KLRK1: variants seen among roughly 807,000 people sequenced by gnomAD.
KLRK1 encodes NKG2-D type II integral membrane protein.
Under a neutral mutation model 31.3 loss-of-function variants are expected in KLRK1, and 40 were observed. That is an observed-to-expected ratio of 1.28 (90% confidence interval 0.99 to 1.67). KLRK1 has a LOEUF of 1.67. Ranked by LOEUF, KLRK1 falls within the 40% of genes most tolerant of loss-of-function variation. The probability of loss-of-function intolerance (pLI) is 0.00; values close to 1 mark genes in which losing one functional copy is unlikely to be tolerated. For missense variants in KLRK1, 251 were observed against 260.0 expected, an observed-to-expected ratio of 0.97 and a Z score of 0.24; for synonymous variants, 77 against 77.3, an observed-to-expected ratio of 1.00 and a Z score of 0.02.
At chr12:10,374,615 G>T (rs1182861865) in intron 7 of KLRK1, among the ~76,000 whole-genome samples, 1 of 151,422 alleles carries the variant, frequency 6.6e-6, no homozygotes, top group Admixed American at 6.6e-5. Flanking sequence ...AGCTGGACTT[G>T]AACTCCTGAC....
In KLRK1 at chr12:10,373,093, T is replaced by A. The variant is rs777473716; in HGVS notation, c.*21A>T. 6.2e-7 allele frequency: 1 copy of A among 1,605,360 alleles called. No individual in the cohort carries two copies. The highest frequency in any genetic ancestry group is 1.1e-5 in the South Asian group (1 of 90,320). ...TAATCTCTTCTCTGTTCCTGGCTTTTATTGAGATGGTTGATCATCTTTACA... is the reference window on the plus strand; with the variant it reads ...TAATCTCTTCTCTGTTCCTGGCTTTAATTGAGATGGTTGATCATCTTTACA... On this transcript the variant is annotated 3_prime_UTR_variant, in exon 8 of 8. Coordinates refer to ENST00000240618, the MANE Select transcript of KLRK1 (RefSeq NM_007360.4).
At chr12:10,389,033 T>G in intron 1 of KLRK1, 158 bp from the exon 2 acceptor site, 1 of 496,178 alleles carries the variant, frequency 2.0e-6, no homozygotes, top group Non-Finnish European at 3.6e-6. Flanking sequence ...GCAAAATTAA[T>G]TTTATACATT....
chr12:10,389,002 T>C, intron 1 of KLRK1, 127 bp from the exon 2 acceptor site: 2 of 555,390 alleles, frequency 3.6e-6, no homozygotes, highest in East Asian at 5.7e-5. Flanking sequence ...AGAATAGAAA[T>C]GACAATTCAC....
intron 7 of KLRK1, 151 bp from the exon 8 acceptor site, chr12:10,373,382 T>C: frequency 7.8e-6 from 4 of 514,290 alleles, no homozygotes; most frequent in Non-Finnish European, 1.3e-5. Context: ...AAACAAAATA[T>C]AGCCAACTCA....
rs1862886132 is a variant in KLRK1 at position 10,372,817 on chromosome 12, C to T, written c.*297G>A. 1 of 324,182 alleles carries T rather than the reference C, an allele frequency of 3.1e-6. No homozygotes were observed. Among genetic ancestry groups the T allele is most frequent in the Non-Finnish European group, 5.7e-6 (1 of 176,876 alleles). The allele number at this position is 324,182 out of a possible 1,614,324, so 20.1% of individuals were successfully genotyped here. The stretch of plus-strand genomic sequence containing the variant: ...ACTGATCCCCTGGGTGTTGGTCCTA[C>T]CTTTAGAAATTAAAACAGCACCCCT... On this transcript the variant is annotated 3_prime_UTR_variant, in exon 8 of 8. Transcript: ENST00000240618.
rs1862999063 is a variant in KLRK1 at position 10,378,132 on chromosome 12, A to G, written c.533T>C (p.Leu178Pro). 7.4e-6 allele frequency: 12 copies of G among 1,613,486 alleles called. No individual in the cohort carries two copies. The highest frequency in any genetic ancestry group is 9.3e-6 in the Non-Finnish European group (11 of 1,179,798). ...GAGACTCATTGGGTCAGAGACTTACAGGTTGGGTGAGAGAATGGAGCCATC... is the reference window on the plus strand; with the variant it reads ...GAGACTCATTGGGTCAGAGACTTACGGGTTGGGTGAGAGAATGGAGCCATC... ...WEDGSILSPN[L>P]LTIIEMQKGD... The change falls in exon 7 of 8, where the codon CTA becomes CCA. Residue 178 changes from leucine (L) to proline (P), a missense_variant and splice_region_variant. Coordinates refer to ENST00000240618, the MANE Select transcript of KLRK1 (RefSeq NM_007360.4).
rs1254841146 is a variant in KLRK1 at position 10,378,138 on chromosome 12, G to T, written c.527C>A (p.Pro176His). 6.2e-7 allele frequency: 1 copy of T among 1,613,928 alleles called. No individual in the cohort carries two copies. The highest frequency in any genetic ancestry group is 2.2e-5 in the East Asian group (1 of 44,860). Residue 176 changes from proline to histidine, a missense_variant, in exon 7 of 8, where the codon CCC becomes CAC. Pro to His is a moderately conservative substitution (Grantham distance 77). Coordinates refer to ENST00000240618, the MANE Select transcript of KLRK1 (RefSeq NM_007360.4). ...CATTGGGTCAGAGACTTACAGGTTGGGTGAGAGAATGGAGCCATCTTCCCA... is the reference window on the plus strand; with the variant it reads ...CATTGGGTCAGAGACTTACAGGTTGTGTGAGAGAATGGAGCCATCTTCCCA... ...WQWEDGSILS[P>H]NLLTIIEMQK...
chr12:10,387,971 TATTA>T (rs1425379702), intron 2 of KLRK1, among the ~76,000 whole-genome samples: 6 of 152,354 alleles, frequency 3.9e-5, no homozygotes, highest in East Asian at 1.9e-4. Context: ...TCTCTTGAAA[TATTA>T]ATTATTTACT....
chr12:10,372,601 T>C lies in KLRK1; in HGVS notation c.*513A>G. On this transcript the variant is annotated 3_prime_UTR_variant, in exon 8 of 8. Coordinates refer to ENST00000240618, the MANE Select transcript of KLRK1 (RefSeq NM_007360.4). ...GAGAATAATGCCTTTAAGATAATCATGGCCCACTGGGGCAGCACCACCTCC... is the reference window on the plus strand; with the variant it reads ...GAGAATAATGCCTTTAAGATAATCACGGCCCACTGGGGCAGCACCACCTCC... The C allele has an allele frequency of 6.1e-6, 1 of 163,362 alleles. No homozygotes were observed. The highest frequency in any genetic ancestry group is 1.3e-5 in the Non-Finnish European group (1 of 76,162). 10.1% of individuals were successfully genotyped at this position (163,362 alleles called of 1,614,324 possible).
At chr12:10,384,003 AT>A (rs1334694542) in intron 3 of KLRK1, among the ~76,000 whole-genome samples, 1 of 152,074 alleles carries the variant, frequency 6.6e-6, no homozygotes, top group Non-Finnish European at 1.5e-5. Context: ...AGTCAATTCC[AT>A]TTGTAATACC....
intron 2 of KLRK1, 52 bp from the exon 3 acceptor site, chr12:10,387,062 G>A: frequency 2.8e-6 from 4 of 1,450,350 alleles, no homozygotes; most frequent in Non-Finnish European, 3.7e-6. Context: ...CTGCCATTTG[G>A]GGCATAAATT....
At chr12:10,374,978 G>A (rs1217600268) in intron 7 of KLRK1, among the ~76,000 whole-genome samples, 1 of 152,090 alleles carries the variant, frequency 6.6e-6, no homozygotes, top group East Asian at 1.9e-4. Context: ...TGTCCTTGTA[G>A]ATAGGAAAAT....
rs1348672527 is a variant in KLRK1, at chr12:10,373,060, C to T, written c.*54G>A. 26 of 1,498,364 alleles carry T rather than the reference C, an allele frequency of 1.7e-5. No homozygotes were observed. In the South Asian group the frequency reaches 2.4e-4, roughly 14 times the overall value. 92.8% of individuals were successfully genotyped at this position (1,498,364 alleles called of 1,614,324 possible). On this transcript the variant is annotated 3_prime_UTR_variant, in exon 8 of 8. Transcript: ENST00000240618. ...CTTTAGTCTCAGTTGGCAGTGTTAC[C>T]GCTGGTGTAATCTCTTCTCTGTTCC...
Position 10,378,538 on chromosome 12 carries a change from AAAAT to A in KLRK1, c.429+12_429+15del, listed in dbSNP as rs1565491997. The A allele has an allele frequency of 6.2e-7, 1 of 1,608,040 alleles. No homozygotes were observed. The highest frequency in any genetic ancestry group is 2.2e-5 in the East Asian group (1 of 44,838). On this transcript the variant is annotated intron_variant, in intron 6 of 7. Transcript: ENST00000240618. ...AGGATTAAATACAGGATGGGAAATTAAAATAAATACTCAACCTGGTCCTCTTTGC... is the reference window on the plus strand; with the variant it reads ...AGGATTAAATACAGGATGGGAAATTAAAATACTCAACCTGGTCCTCTTTGC...
intron 3 of KLRK1, among the ~76,000 whole-genome samples, chr12:10,386,246 G>A (rs891619309): frequency 6.6e-6 from 1 of 151,976 alleles, no homozygotes; most frequent in African/African-American, 2.4e-5. Context: ...AATGATAATT[G>A]TTGAGGGAAA....
chr12:10,383,468 A>T (rs1272604849), intron 3 of KLRK1, among the ~76,000 whole-genome samples: 6 of 152,080 alleles, frequency 3.9e-5, no homozygotes, highest in Non-Finnish European at 8.8e-5. Flanking sequence ...ATAAGTATAC[A>T]TATGCACCCA....
chr12:10,374,661 G>A (rs1177194586), intron 7 of KLRK1, among the ~76,000 whole-genome samples: 1 of 152,300 alleles, frequency 6.6e-6, no homozygotes. Flanking sequence ...TCACAGGCGT[G>A]AGCCACTGCA....
intron 7 of KLRK1, among the ~76,000 whole-genome samples, chr12:10,375,659 G>A (rs1418416385): frequency 6.6e-6 from 1 of 152,114 alleles, no homozygotes; most frequent in African/African-American, 2.4e-5. Flanking sequence ...TTATGAGACT[G>A]AAAAAAGGAA....
At chr12:10,389,008 T>G (rs144027897) in intron 1 of KLRK1, 133 bp from the exon 2 acceptor site, 42 of 527,910 alleles carry the variant, frequency 8.0e-5, no homozygotes, top group African/African-American at 6.4e-4. Flanking sequence ...GAAATGACAA[T>G]TCACATAAAG....
Sources: gnomAD v4.1 joint callset for allele counts (sites outside exome capture counted in the v4.1 genomes callset) on GRCh38, gnomAD v4.1.1 for gene constraint, MANE v1.5 for transcripts, NCBI Gene and HGNC (gene_info 2026-07-23, HGNC 2026-07-21) for gene names.